KCNN2: variants seen among roughly 807,000 people sequenced by gnomAD.
The protein encoded by KCNN2 is small conductance calcium-activated potassium channel protein 2.
Under a neutral mutation model 55.5 loss-of-function variants are expected in KCNN2, and 24 were observed. The ratio of observed to expected loss-of-function variants is 0.43; its 90% CI spans 0.31 to 0.61. The LOEUF is 0.61. Ranked by LOEUF, KCNN2 falls within the 20% of genes least tolerant of loss-of-function variation. The probability of loss-of-function intolerance (pLI) is 0.08; values close to 1 mark genes in which losing one functional copy is unlikely to be tolerated. For missense variants in KCNN2, 754 were observed against 853.6 expected (o/e 0.88, Z 1.45); for synonymous variants, 431 against 336.1 (o/e 1.28, Z -3.09).
chr5:114,121,568 T>C (rs896519092), intron 1 of KCNN2, among the ~76,000 whole-genome samples: 2 of 152,178 alleles, frequency 1.3e-5, no homozygotes, highest in Non-Finnish European at 2.9e-5. Context: ...AAGCGTCCTT[T>C]ACCCATAACC....
intron 1 of KCNN2, among the ~76,000 whole-genome samples, chr5:114,091,979 A>G (rs1029431004): frequency 6.6e-6 from 1 of 152,194 alleles, no homozygotes; most frequent in African/African-American, 2.4e-5. Context: ...TCCAAATCTC[A>G]TGTTTCTTTC....
At chr5:114,126,170 C>T (rs1214656014) in intron 1 of KCNN2, among the ~76,000 whole-genome samples, 1 of 152,080 alleles carries the variant, frequency 6.6e-6, no homozygotes, top group East Asian at 1.9e-4. Context: ...ACCAGTGATA[C>T]TGGATTAGGT....
intron 1 of KCNN2, among the ~76,000 whole-genome samples, chr5:114,109,116 G>C (rs980851644): frequency 2.6e-5 from 4 of 152,044 alleles, no homozygotes; most frequent in Non-Finnish European, 1.5e-5. Flanking sequence ...CTCATCAGAT[G>C]CTCAAATGGG....
chr5:114,376,820 T>G (rs1313428056), intron 2 of KCNN2, among the ~76,000 whole-genome samples: 4 of 152,302 alleles, frequency 2.6e-5, no homozygotes, highest in African/African-American at 9.6e-5. Context: ...TGGTGACTTA[T>G]ACCTGTAATC....
intron 1 of KCNN2, among the ~76,000 whole-genome samples, chr5:114,078,187 A>G (rs1271390988): frequency 6.6e-6 from 1 of 152,182 alleles, no homozygotes; most frequent in Non-Finnish European, 1.5e-5. Flanking sequence ...AAAAATAATG[A>G]AAAGTACCTC....
chr5:114,258,968 G>T (rs1037048729), intron 2 of KCNN2, among the ~76,000 whole-genome samples: 10 of 152,138 alleles, frequency 6.6e-5, no homozygotes, highest in African/African-American at 2.4e-4. Flanking sequence ...GCCCCTTAAA[G>T]CGCTAGAAAA....
intron 2 of KCNN2, among the ~76,000 whole-genome samples, chr5:114,320,066 T>G (rs935568392): frequency 6.6e-6 from 1 of 152,162 alleles, no homozygotes; most frequent in Non-Finnish European, 1.5e-5. Context: ...AAATGGAAAT[T>G]TTAACACATA....
chr5:114,075,551 T>A (rs554621395), intron 1 of KCNN2, among the ~76,000 whole-genome samples: 1 of 152,208 alleles, frequency 6.6e-6, no homozygotes, highest in African/African-American at 2.4e-5. Context: ...AAATGTCATA[T>A]TGGCAAGCAA....
intron 3 of KCNN2, among the ~76,000 whole-genome samples, chr5:114,444,850 C>T (rs1487455785): frequency 6.6e-6 from 1 of 152,170 alleles, no homozygotes; most frequent in Non-Finnish European, 1.5e-5. Flanking sequence ...AGAAAGCCTG[C>T]TGCTCTTCCT....
intron 2 of KCNN2, among the ~76,000 whole-genome samples, chr5:114,399,210 A>G (rs140959217): frequency 1.9e-3 from 295 of 152,234 alleles, no homozygotes; most frequent in Non-Finnish European, 2.9e-3. Context: ...ATTTTAAAGT[A>G]TGTTCCTTCA....
intron 1 of KCNN2, among the ~76,000 whole-genome samples, chr5:114,120,228 C>T (rs949628956): frequency 1.3e-5 from 2 of 152,096 alleles, no homozygotes; most frequent in Non-Finnish European, 2.9e-5. Context: ...TATGATGAAT[C>T]GTTTCCTCCT....
intron 1 of KCNN2, among the ~76,000 whole-genome samples, chr5:114,169,118 A>G (rs1319042079): frequency 1.3e-5 from 2 of 152,072 alleles, no homozygotes; most frequent in Admixed American, 1.3e-4. Context: ...CATGATTTTA[A>G]GTTTCCTGAG....
At chr5:114,317,342 C>T (rs2150028125) in intron 2 of KCNN2, among the ~76,000 whole-genome samples, 1 of 152,052 alleles carries the variant, frequency 6.6e-6, no homozygotes, top group Non-Finnish European at 1.5e-5. Context: ...GTTGGCTTGC[C>T]TTTTCTAATT....
chr5:114,289,723 T>A (rs1378607998), intron 2 of KCNN2, among the ~76,000 whole-genome samples: 4 of 152,142 alleles, frequency 2.6e-5, no homozygotes, highest in Non-Finnish European at 5.9e-5. Flanking sequence ...GAAATTTTGA[T>A]AGAATTGCAT....
intron 2 of KCNN2, among the ~76,000 whole-genome samples, chr5:114,249,530 G>T (rs1404143195): frequency 6.6e-6 from 1 of 151,800 alleles, no homozygotes; most frequent in African/African-American, 2.4e-5. Context: ...CAAGTGATCT[G>T]CCTGCCTCGG....
chr5:114,398,177 C>A (rs1441422571), intron 2 of KCNN2, among the ~76,000 whole-genome samples: 1 of 152,124 alleles, frequency 6.6e-6, no homozygotes, highest in Non-Finnish European at 1.5e-5. Flanking sequence ...ACATTTAAGT[C>A]TATAACCCAT....
chr5:114,270,628 T>A (rs1481264870), intron 2 of KCNN2, among the ~76,000 whole-genome samples: 1 of 152,188 alleles, frequency 6.6e-6, no homozygotes, highest in Non-Finnish European at 1.5e-5. Context: ...AACTGTTTAT[T>A]TTCCTGTTTC....
intron 6 of KCNN2, among the ~76,000 whole-genome samples, chr5:114,490,897 G>A (rs1747813001): frequency 1.3e-5 from 2 of 152,062 alleles, no homozygotes; most frequent in African/African-American, 4.8e-5. Flanking sequence ...TTTTTGGGGG[G>A]AAAAGTGTAA....
intron 1 of KCNN2, among the ~76,000 whole-genome samples, chr5:114,170,107 GT>G (rs1753002102): frequency 6.6e-6 from 1 of 151,994 alleles, no homozygotes; most frequent in South Asian, 2.1e-4. Context: ...ATCAAAAACT[GT>G]TGCTAGGAAT....
Sources: gnomAD v4.1 joint callset for allele counts (sites outside exome capture counted in the v4.1 genomes callset) on GRCh38, gnomAD v4.1.1 for gene constraint, MANE v1.5 for transcripts, NCBI Gene and HGNC (gene_info 2026-07-23, HGNC 2026-07-21) for gene names.